RIPK1: variants seen among roughly 807,000 people sequenced by gnomAD.
RIPK1 encodes receptor-interacting serine/threonine-protein kinase 1.
In RIPK1, 27 loss-of-function variants were observed where a neutral mutation model predicts 62.4. That is an observed-to-expected ratio of 0.43 (90% CI 0.32 to 0.60). The LOEUF is 0.60. Among genes scored for constraint, RIPK1 ranks in the 20% least tolerant of loss-of-function variants. The probability of loss-of-function intolerance (pLI) is 0.07; values close to 1 mark genes in which losing one functional copy is unlikely to be tolerated. For missense variants in RIPK1, 735 were observed against 831.0 expected, an observed-to-expected ratio of 0.88 and a Z score of 1.42; for synonymous variants, 287 against 303.2, an observed-to-expected ratio of 0.95 and a Z score of 0.55.
At chr6:3,090,751 A>AACTGCAGAGCACCTACCTGCCGCACCTAG (rs1561762685) in intron 7 of RIPK1, among the ~76,000 whole-genome samples, 10 of 142,936 alleles carry the variant, frequency 7.0e-5, no homozygotes, top group African/African-American at 2.1e-4. Context: ...GCTGCACCTA[A>AACTGCAGAGCACCTACCTGCCGCACCTAG]TAACCGCAGC....
At chr6:3,104,492 G>A (rs1178941535) in intron 8 of RIPK1, among the ~76,000 whole-genome samples, 177 bp downstream of exon 8, 1 of 152,192 alleles carries the variant, frequency 6.6e-6, no homozygotes, top group Non-Finnish European at 1.5e-5. Context: ...TTTGAAATAT[G>A]AAGTAACAGT....
At chr6:3,103,308 T>TG (rs1760680660) in intron 7 of RIPK1, among the ~76,000 whole-genome samples, 1 of 138,336 alleles carries the variant, frequency 7.2e-6, no homozygotes, top group Admixed American at 6.8e-5. Context: ...TTATTTATTT[T>TG]TTTTTTGGAG....
In RIPK1 at chr6:3,068,515, C is replaced by T. The variant is rs1281490960; in HGVS notation, c.-207C>T. ...GAACAGTCCACGCCCTCCAGCCGGG[C>T]GCGCTCGACGCGGACGGCGGGCCAG... On this transcript the variant is annotated 5_prime_UTR_variant, in exon 1 of 11. Coordinates refer to ENST00000259808, the MANE Select transcript of RIPK1 (RefSeq NM_001354930.2). 9.1e-6 allele frequency: 9 copies of T among 985,264 alleles called. No homozygotes were observed. Among genetic ancestry groups the T allele is most frequent in the Non-Finnish European group, 1.1e-5 (9 of 829,830 alleles). The allele number at this position is 985,264 out of a possible 1,614,324, so 61.0% of individuals were successfully genotyped here. A position where few individuals can be genotyped will look rare whatever the true frequency, so the allele number is the denominator to read the frequency against.
At position 3,113,553 on chromosome 6, in the gene RIPK1, G is replaced by A. The variant is rs1208342684; in HGVS notation, c.*214G>A. The A allele has an allele frequency of 9.4e-6, 5 of 532,886 alleles. No individual in the cohort carries two copies. The highest frequency in any genetic ancestry group is 1.7e-5 in the Non-Finnish European group (5 of 301,580). The allele number at this position is 532,886 out of a possible 1,614,324, so 33.0% of individuals were successfully genotyped here. A position where few individuals can be genotyped will look rare whatever the true frequency, so the allele number is the denominator to read the frequency against. On this transcript the variant is annotated 3_prime_UTR_variant, in exon 11 of 11. Transcript: ENST00000259808. This position sits in a 1 kb window ranked among gnomAD's most constrained non-coding sequence, Gnocchi z 5.0. The stretch of plus-strand genomic sequence containing the variant: ...TTGCCAGGCTGGTCTCAAACTTCTG[G>A]ACTCAAGTGATCCTCCCGCCTCGGC...
chr6:3,072,567 T>C lies in RIPK1; in HGVS notation c.-61+3906T>C, dbSNP rs974035118. 6.6e-6 allele frequency among the ~76,000 whole-genome samples: 1 copy of C among 152,204 alleles called. No individual in the cohort carries two copies. Among genetic ancestry groups the C allele is most frequent in the African/African-American group, 2.4e-5 (1 of 41,456 alleles). On this transcript the variant is annotated intron_variant, in intron 1 of 10. Transcript: ENST00000259808. This position sits in a 1 kb window ranked among gnomAD's most constrained non-coding sequence, Gnocchi z 5.6. ...AATAGTTCTCTTTTTAAAATAGTTA[T>C]TCAATTGATGATGGGCCGGCATACG...
chr6:3,089,146 C>T (rs557544157), intron 6 of RIPK1, among the ~76,000 whole-genome samples: 3 of 152,176 alleles, frequency 2.0e-5, no homozygotes, highest in Admixed American at 6.5e-5. Context: ...CTTCCTGGAA[C>T]TGGAAGTTTC....
chr6:3,108,252 G>A (rs1272438595), intron 9 of RIPK1, among the ~76,000 whole-genome samples: 2 of 151,716 alleles, frequency 1.3e-5, no homozygotes, highest in East Asian at 3.9e-4. Flanking sequence ...TGCTTGTGCC[G>A]GTCACTATAT....
intron 5 of RIPK1, 113 bp from the exon 6 acceptor site, chr6:3,085,146 T>C: frequency 9.0e-7 from 1 of 1,116,388 alleles, no homozygotes; most frequent in Non-Finnish European, 1.3e-6. Flanking sequence ...TTCCACTCTA[T>C]GGAATGAGGC....
At chr6:3,071,733 G>T (rs963019482) in intron 1 of RIPK1, among the ~76,000 whole-genome samples, 2 of 152,220 alleles carry the variant, frequency 1.3e-5, no homozygotes, top group Non-Finnish European at 2.9e-5. Context: ...CCGCAAGACT[G>T]TAAGGAGAAC....
intron 7 of RIPK1, among the ~76,000 whole-genome samples, chr6:3,090,653 G>C (rs1581410586): frequency 1.3e-5 from 2 of 152,102 alleles, no homozygotes; most frequent in South Asian, 4.1e-4. Context: ...CTCTTCAATT[G>C]ATAGAACGAG....
chr6:3,089,266 C>T (rs533522506), intron 6 of RIPK1, among the ~76,000 whole-genome samples: 1 of 152,292 alleles, frequency 6.6e-6, no homozygotes, highest in African/African-American at 2.4e-5. Context: ...GGAGTTCGCC[C>T]ATCCCTGTTC....
At chr6:3,087,559 C>T (rs935562414) in intron 6 of RIPK1, among the ~76,000 whole-genome samples, 75 of 140,342 alleles carry the variant, frequency 5.3e-4, no homozygotes, top group Non-Finnish European at 9.5e-4. Flanking sequence ...GTCTACTGAG[C>T]TTTTTTTTTT....
In RIPK1 at chr6:3,109,786, C is replaced by T. The variant is rs17513541; in HGVS notation, c.1577-1017C>T. ...AAACTCTGTATCCATTAAACACCAA[C>T]TCCCCAGCTCCCCTCCCAGCCCCGG... On this transcript the variant is annotated intron_variant, in intron 9 of 10. Transcript: ENST00000259808. Among the ~76,000 whole-genome samples, 272 of 152,160 alleles carry T rather than the reference C, an allele frequency of 1.8e-3. 2 individuals are homozygous for T. The highest frequency in any genetic ancestry group is 6.1e-3 in the African/African-American group (254 of 41,552).
chr6:3,110,837 T>G lies in RIPK1; in HGVS notation c.1611T>G (p.Thr537=). The G allele has an allele frequency of 1.3e-6, 2 of 1,589,108 alleles. No individual in the cohort carries two copies. The highest frequency in any genetic ancestry group is 1.7e-6 in the Non-Finnish European group (2 of 1,157,358). ...ESIKYTIYNS[T]GIQIGAYNYM... The stretch of plus-strand genomic sequence containing the variant: ...TAAAATATACCATATACAATAGTAC[T>G]GGCATTCAGATTGGAGCCTACAATT... The change falls in exon 10 of 11, where the codon ACT becomes ACG. Residue 537 remains threonine (T), a synonymous_variant. Coordinates refer to ENST00000259808, the MANE Select transcript of RIPK1 (RefSeq NM_001354930.2).
intron 9 of RIPK1, among the ~76,000 whole-genome samples, chr6:3,107,546 C>T (rs752882177): frequency 2.6e-4 from 31 of 121,110 alleles, no homozygotes; most frequent in Non-Finnish European, 4.4e-4. Flanking sequence ...GCCTGGGTGA[C>T]AGAGCGAGAC....
intron 1 of RIPK1, among the ~76,000 whole-genome samples, chr6:3,071,892 A>G (rs1443975556): frequency 6.6e-6 from 1 of 152,204 alleles, no homozygotes; most frequent in Non-Finnish European, 1.5e-5. Context: ...GAGATACCAA[A>G]TAGGACTCCT....
intron 7 of RIPK1, among the ~76,000 whole-genome samples, chr6:3,102,170 T>A (rs547415054): frequency 6.6e-6 from 1 of 152,322 alleles, no homozygotes; most frequent in African/African-American, 2.4e-5. Context: ...AGGTTGAACA[T>A]CCCTAAACCC....
chr6:3,099,824 C>T (rs1225381196), intron 7 of RIPK1, among the ~76,000 whole-genome samples: 1 of 152,182 alleles, frequency 6.6e-6, no homozygotes, highest in Non-Finnish European at 1.5e-5. Context: ...ACAAACTCCA[C>T]AAGCCCATAA....
At chr6:3,068,254 G>T, upstream of RIPK1, 1 of 985,514 alleles carries the variant, frequency 1.0e-6, no homozygotes, top group Non-Finnish European at 1.2e-6. Flanking sequence ...TAGCGCCCCC[G>T]CTGTAATCCA....
Sources: gnomAD v4.1 joint callset for allele counts (sites outside exome capture counted in the v4.1 genomes callset) on GRCh38, gnomAD v4.1.1 for gene constraint, Gnocchi (gnomAD v3.1) non-coding constraint, MANE v1.5 for transcripts, NCBI Gene and HGNC (gene_info 2026-07-23, HGNC 2026-07-21) for gene names.